CEMIP: variants seen among roughly 807,000 people sequenced by gnomAD.
CEMIP encodes the protein cell migration inducing hyaluronidase 1, also known as cell migration-inducing and hyaluronan-binding protein.
CEMIP carries 105 observed loss-of-function variants against 156.9 expected under a neutral mutation model. The observed-to-expected ratio is 0.67, with a 90% confidence interval of 0.57 to 0.79. CEMIP has a LOEUF of 0.79. Among genes scored for constraint, CEMIP ranks in the 30% least tolerant of loss-of-function variants. The pLI, the probability that CEMIP is intolerant of heterozygous loss-of-function variation, is 0.00. For missense variants in CEMIP, 1,457 were observed against 1,769.4 expected (o/e 0.82, Z 3.17); for synonymous variants, 676 against 668.4 (o/e 1.01, Z -0.17).
chr15:80,850,996 AG>A (rs1323584085), intron 1 of CEMIP, among the ~76,000 whole-genome samples: 4 of 152,244 alleles, frequency 2.6e-5, no homozygotes, highest in Non-Finnish European at 4.4e-5. Context: ...CTTTCACCAC[AG>A]CAATGAGACT....
chr15:80,930,535 A>AT, intron 21 of CEMIP, among the ~76,000 whole-genome samples: 1 of 152,348 alleles, frequency 6.6e-6, no homozygotes, highest in East Asian at 1.9e-4. Flanking sequence ...AAACCTAAGT[A>AT]TAGAGCTAGT....
intron 12 of CEMIP, among the ~76,000 whole-genome samples, chr15:80,899,740 T>A (rs1432044194): frequency 7.2e-5 from 11 of 152,298 alleles, no homozygotes; most frequent in Admixed American, 7.2e-4. Context: ...GGATATCCCC[T>A]GGCAGGGAAA....
At position 80,919,120 on chromosome 15, in the gene CEMIP, C is replaced by T. The variant is rs147915803; in HGVS notation, c.1798-974C>T. 7.3e-3 allele frequency among the ~76,000 whole-genome samples: 1,112 copies of T among 152,310 alleles called. 13 individuals carry two copies. Among genetic ancestry groups the T allele is most frequent in the African/African-American group, 0.025 (1,059 of 41,554 alleles). ...TGATTCCAAGAAGGAAACCAAAGAG[C>T]TGGAGTTTGCAGCCCTTTCTAGTTC... is the stretch of plus-strand genomic sequence containing the variant. On this transcript the variant is annotated intron_variant, in intron 14 of 29. Coordinates refer to ENST00000394685, the MANE Select transcript of CEMIP (RefSeq NM_001293298.2).
intron 1 of CEMIP, among the ~76,000 whole-genome samples, chr15:80,861,760 C>T (rs927099676): frequency 6.6e-6 from 1 of 152,228 alleles, no homozygotes; most frequent in South Asian, 2.1e-4. Context: ...TTTCAGTTAA[C>T]AAATACAACT....
At chr15:80,882,468 A>C (rs74989292) in intron 6 of CEMIP, among the ~76,000 whole-genome samples, 262 of 152,320 alleles carry the variant, frequency 1.7e-3, no homozygotes, top group Non-Finnish European at 3.0e-3. Context: ...ATTGACACAA[A>C]GTATGTCAGG....
intron 17 of CEMIP, 39 bp downstream of exon 17, chr15:80,922,176 C>T (rs776775451): frequency 3.1e-5 from 50 of 1,612,872 alleles, no homozygotes; most frequent in South Asian, 3.1e-4. Context: ...GCCAGCCTCT[C>T]GGTCCCCTTC....
At chr15:80,859,273 C>A (rs370060244) in intron 1 of CEMIP, among the ~76,000 whole-genome samples, 1 of 152,184 alleles carries the variant, frequency 6.6e-6, no homozygotes, top group African/African-American at 2.4e-5. Context: ...GGGCTGAATT[C>A]GGGAGCAGGA....
chr15:80,919,301 C>T (rs576859306), intron 14 of CEMIP, among the ~76,000 whole-genome samples: 3 of 152,334 alleles, frequency 2.0e-5, no homozygotes, highest in South Asian at 2.1e-4. Flanking sequence ...GAAGTTCCCT[C>T]GTCCACCCTT....
chr15:80,859,806 T>G (rs1050607357), intron 1 of CEMIP, among the ~76,000 whole-genome samples: 1 of 152,210 alleles, frequency 6.6e-6, no homozygotes, highest in Admixed American at 6.5e-5. Flanking sequence ...TTCCTTTAGT[T>G]GGTGGAGAGA....
intron 4 of CEMIP, among the ~76,000 whole-genome samples, chr15:80,879,276 G>A (rs1898565930): frequency 6.6e-6 from 1 of 152,122 alleles, no homozygotes; most frequent in African/African-American, 2.4e-5. Context: ...ACCAATTCGA[G>A]GTTGAAAATA....
intron 1 of CEMIP, among the ~76,000 whole-genome samples, chr15:80,815,907 C>G (rs1008894376): frequency 6.6e-6 from 1 of 152,060 alleles, no homozygotes; most frequent in Non-Finnish European, 1.5e-5. Flanking sequence ...GTGCTTTTTC[C>G]AGCATAGAAA....
At chr15:80,935,274 C>A (rs1279283592) in intron 23 of CEMIP, among the ~76,000 whole-genome samples, 1 of 152,168 alleles carries the variant, frequency 6.6e-6, no homozygotes, top group South Asian at 2.1e-4. Flanking sequence ...GAAGGATGAC[C>A]AAACCCTCAA....
At chr15:80,853,689 G>T (rs923331632) in intron 1 of CEMIP, among the ~76,000 whole-genome samples, 3 of 152,216 alleles carry the variant, frequency 2.0e-5, no homozygotes, top group African/African-American at 7.2e-5. Context: ...AAAGCTCTAA[G>T]GGCGAGCATT....
intron 1 of CEMIP, among the ~76,000 whole-genome samples, chr15:80,793,262 C>G (rs1421187521): frequency 6.6e-6 from 1 of 152,338 alleles, no homozygotes; most frequent in East Asian, 1.9e-4. Flanking sequence ...TTTCCCCCTT[C>G]TGCTCTCTGA....
rs111345197 is a variant in CEMIP at position 80,933,556 on chromosome 15, C to A, written c.3009+96C>A. The A allele has an allele frequency of 4.8e-4, 448 of 928,932 alleles. 1 individual carries two copies. In the African/African-American group the frequency reaches 5.9e-3, roughly 12 times the overall value. The allele number at this position is 928,932 out of a possible 1,614,324, so 57.5% of individuals were successfully genotyped here. ...CTCTATGCCTGGCTCTGTTTCAGGC[C>A]AGAAAGAGATACAGAATTTTTTTTT... On this transcript the variant is annotated intron_variant, in intron 23 of 29. Transcript: ENST00000394685.
intron 1 of CEMIP, among the ~76,000 whole-genome samples, chr15:80,810,599 C>G (rs1896644358): frequency 6.6e-6 from 1 of 152,202 alleles, no homozygotes; most frequent in South Asian, 2.1e-4. Context: ...TTGTGATCCG[C>G]CCTCCTCGGC....
In CEMIP at chr15:80,846,122, A is replaced by C. The variant is rs144067697; in HGVS notation, c.-175-27416A>C. Among the ~76,000 whole-genome samples the C allele has an allele frequency of 1.3e-3, 204 of 152,292 alleles. 2 individuals are homozygous for C. In the Middle Eastern group the frequency reaches 0.014, roughly 10 times the overall value. On this transcript the variant is annotated intron_variant, in intron 1 of 29. Coordinates refer to ENST00000394685, the MANE Select transcript of CEMIP (RefSeq NM_001293298.2). ...TGGGCCAGGCCAGGTGGCAGAGGGA[A>C]GGGGAGACACTTGGGAAGCACAGTC...
chr15:80,838,201 G>C (rs1897308040), intron 1 of CEMIP, among the ~76,000 whole-genome samples: 1 of 152,180 alleles, frequency 6.6e-6, no homozygotes, highest in South Asian at 2.1e-4. Flanking sequence ...GGAGCGGAGG[G>C]TGGGGACGAG....
chr15:80,833,689 G>A (rs1282275263), intron 1 of CEMIP, among the ~76,000 whole-genome samples: 1 of 127,542 alleles, frequency 7.8e-6, no homozygotes, highest in Non-Finnish European at 1.7e-5. Context: ...TTTTTTTTTG[G>A]ACAGAGTCTC....
Sources: allele counts gnomAD v4.1 joint callset (sites outside exome capture counted in the v4.1 genomes callset), GRCh38; gene constraint gnomAD v4.1.1; transcripts MANE v1.5; gene names NCBI Gene and HGNC (gene_info 2026-07-23, HGNC 2026-07-21).